NAALADL2: variants seen among roughly 807,000 people sequenced by gnomAD.
NAALADL2 encodes the protein N-acetylated alpha-linked acidic dipeptidase like 2, also known as inactive N-acetylated-alpha-linked acidic dipeptidase-like protein 2.
Under a neutral mutation model 87.2 loss-of-function variants are expected in NAALADL2, and 76 were observed. The ratio of observed to expected loss-of-function variants is 0.87; its 90% CI spans 0.72 to 1.05. The LOEUF (loss-of-function observed/expected upper bound fraction) is 1.05. NAALADL2 is among the 50% of genes least tolerant of loss of function. The pLI is 0.00. For missense variants in NAALADL2, 1,089 were observed against 945.8 expected, an observed-to-expected ratio of 1.15 and a Z score of -1.99; for synonymous variants, 354 against 331.0, an observed-to-expected ratio of 1.07 and a Z score of -0.75.
intron 2 of NAALADL2, among the ~76,000 whole-genome samples, chr3:175,151,446 C>T (rs1270118559): frequency 6.6e-6 from 1 of 152,124 alleles, no homozygotes; most frequent in Non-Finnish European, 1.5e-5. Flanking sequence ...GACTTTTATC[C>T]AATTAACATC....
chr3:175,196,776 T>C (rs1313621443), intron 2 of NAALADL2, among the ~76,000 whole-genome samples: 1 of 151,948 alleles, frequency 6.6e-6, no homozygotes, highest in African/African-American at 2.4e-5. Flanking sequence ...CTTTTCCTTT[T>C]TAACAATGAT....
At chr3:174,774,087 C>T (rs888913168) in intron 3 of NAALADL2, among the ~76,000 whole-genome samples, 1 of 152,034 alleles carries the variant, frequency 6.6e-6, no homozygotes, top group African/African-American at 2.4e-5. Flanking sequence ...TTTCACTATC[C>T]CACTTTCCTT....
rs190022241 is a variant in NAALADL2, at chr3:175,384,801, T to A, written c.1090+60476T>A. ...TATTTTACTTAATTTATTTTTAATT[T>A]ATTTTATTTTATTACCAGTTTTATT... On this transcript the variant is annotated intron_variant, in intron 5 of 13. Transcript: ENST00000454872. 8.3e-4 allele frequency among the ~76,000 whole-genome samples: 125 copies of A among 151,422 alleles called. 1 individual carries two copies. Among genetic ancestry groups the A allele is most frequent in the Middle Eastern group, 3.4e-3 (1 of 292 alleles).
chr3:175,001,380 AC>A (rs1169674045), intron 1 of NAALADL2, among the ~76,000 whole-genome samples: 47 of 152,314 alleles, frequency 3.1e-4, no homozygotes, highest in African/African-American at 1.0e-3. Context: ...ATCAGAATCT[AC>A]ATTTTAATAT....
At chr3:175,326,526 A>T (rs1328045958) in intron 5 of NAALADL2, among the ~76,000 whole-genome samples, 1 of 152,214 alleles carries the variant, frequency 6.6e-6, no homozygotes, top group Non-Finnish European at 1.5e-5. Context: ...TTATAGCAAG[A>T]ACCGCACTTC....
intron 2 of NAALADL2, among the ~76,000 whole-genome samples, chr3:174,719,747 T>C (rs1255268131): frequency 1.3e-5 from 2 of 152,212 alleles, no homozygotes; most frequent in South Asian, 2.1e-4. Flanking sequence ...ATAGAGAGTA[T>C]GTTAATACAT....
intron 1 of NAALADL2, among the ~76,000 whole-genome samples, chr3:174,512,623 T>C (rs1719670806): frequency 6.6e-6 from 1 of 152,182 alleles, no homozygotes. Flanking sequence ...AGCCTTAGTA[T>C]CTCAGTATTG....
At chr3:175,234,574 C>T (rs1207554297) in intron 3 of NAALADL2, among the ~76,000 whole-genome samples, 1 of 152,094 alleles carries the variant, frequency 6.6e-6, no homozygotes, top group African/African-American at 2.4e-5. Context: ...AGATTGTGCA[C>T]ACACAAAAGA....
At position 174,777,941 on chromosome 3, in the gene NAALADL2, A is replaced by C. The variant is rs545842459; in HGVS notation, c.-9+40195A>C. Among the ~76,000 whole-genome samples, 3 of 152,246 alleles carry C rather than the reference A, an allele frequency of 2.0e-5. No individual in the cohort carries two copies. In the South Asian group the frequency reaches 6.2e-4, roughly 32 times the overall value. The stretch of plus-strand genomic sequence containing the variant: ...TTTAGAATATCAGAAAGTCATCTAA[A>C]AATGCACATAGAGTACAGTATTAGG... On this transcript the variant is annotated intron_variant, in intron 3 of 3. Transcript: ENST00000434257.
At chr3:175,218,090 C>A in intron 2 of NAALADL2, 1 of 436,466 alleles carries the variant, frequency 2.3e-6, no homozygotes, top group Non-Finnish European at 4.6e-6. Flanking sequence ...AAATGAAGCA[C>A]ACTGGATGAA....
chr3:175,561,599 T>C (rs1163751556), intron 9 of NAALADL2, among the ~76,000 whole-genome samples: 1 of 152,182 alleles, frequency 6.6e-6, no homozygotes, highest in Non-Finnish European at 1.5e-5. Context: ...AAAATATGTA[T>C]ACTGTATGCA....
intron 3 of NAALADL2, among the ~76,000 whole-genome samples, chr3:174,794,258 C>A (rs1470114908): frequency 6.6e-6 from 1 of 151,956 alleles, no homozygotes. Flanking sequence ...TACTCAATAA[C>A]TCATGAAAAA....
chr3:174,607,722 C>T (rs1390352144), intron 2 of NAALADL2, among the ~76,000 whole-genome samples: 2 of 152,106 alleles, frequency 1.3e-5, no homozygotes, highest in African/African-American at 4.8e-5. Flanking sequence ...TAATGGGAGA[C>T]TTTAACACCC....
At chr3:175,483,146 C>T (rs1726755181) in intron 9 of NAALADL2, among the ~76,000 whole-genome samples, 1 of 151,766 alleles carries the variant, frequency 6.6e-6, no homozygotes, top group South Asian at 2.1e-4. Context: ...TATATAATAA[C>T]ATATATTTTC....
chr3:174,955,064 T>C (rs1201682950), intron 1 of NAALADL2, among the ~76,000 whole-genome samples: 1 of 152,086 alleles, frequency 6.6e-6, no homozygotes, highest in Non-Finnish European at 1.5e-5. Flanking sequence ...GGAAACGTAA[T>C]TGAAAACATT....
intron 2 of NAALADL2, among the ~76,000 whole-genome samples, chr3:174,721,492 G>A (rs189711619): frequency 2.0e-5 from 3 of 152,252 alleles, no homozygotes; most frequent in Non-Finnish European, 4.4e-5. Context: ...CCTGAATTCC[G>A]TAATTTTGAA....
intron 2 of NAALADL2, among the ~76,000 whole-genome samples, chr3:175,202,592 G>A (rs940707673): frequency 2.6e-5 from 4 of 152,162 alleles, no homozygotes; most frequent in African/African-American, 9.7e-5. Context: ...TTGTGCTGGT[G>A]GGCCTCCTGC....
intron 9 of NAALADL2, among the ~76,000 whole-genome samples, chr3:175,553,096 G>A (rs1462794256): frequency 6.6e-6 from 1 of 152,104 alleles, no homozygotes; most frequent in African/African-American, 2.4e-5. Flanking sequence ...CCATGTTTAT[G>A]CTTATAGCTC....
intron 5 of NAALADL2, among the ~76,000 whole-genome samples, chr3:175,354,987 C>T: frequency 2.1e-5 from 3 of 141,146 alleles, no homozygotes; most frequent in Non-Finnish European, 4.6e-5. Context: ...TATAATTTTT[C>T]CAATTTTATT....
Sources: allele counts gnomAD v4.1 joint callset (sites outside exome capture counted in the v4.1 genomes callset), GRCh38; gene constraint gnomAD v4.1.1; transcripts MANE v1.5; gene names NCBI Gene and HGNC (gene_info 2026-07-23, HGNC 2026-07-21).